The following HEMK2 variants were observed in gnomAD, a reference collection of about 807,000 sequenced individuals.
HEMK2 encodes the protein methyltransferase HEMK2.
At chr21:28,666,243 ATTTATCTTTTCTTC>A in the HEMK2 span, among the ~76,000 whole-genome samples, 1 of 152,172 alleles carries the variant, frequency 6.6e-6, no homozygotes, top group Admixed American at 6.5e-5. Context: ...TCTGTCTCCC[ATTTATCTTTTCTTC>A]GGTATTTAGG....
the HEMK2 span, among the ~76,000 whole-genome samples, chr21:28,710,509 G>T: frequency 6.6e-6 from 1 of 152,266 alleles, no homozygotes; most frequent in East Asian, 1.9e-4. Flanking sequence ...TTCTCCATAT[G>T]TGTGTGGACC....
the HEMK2 span, among the ~76,000 whole-genome samples, chr21:28,762,695 T>C: frequency 6.6e-6 from 1 of 152,100 alleles, no homozygotes; most frequent in African/African-American, 2.4e-5. Flanking sequence ...GGAGTGGCTT[T>C]GTTTTAAAAG....
the HEMK2 span, among the ~76,000 whole-genome samples, chr21:28,637,834 G>GA: frequency 1.2e-4 from 18 of 151,898 alleles, no homozygotes; most frequent in African/African-American, 3.9e-4. Context: ...CTGTGAGTGA[G>GA]AAAAAAAATT....
the HEMK2 span, among the ~76,000 whole-genome samples, chr21:28,624,734 G>A: frequency 3.9e-5 from 6 of 152,170 alleles, no homozygotes; most frequent in African/African-American, 1.4e-4. Context: ...GGCACAGAGA[G>A]GACTAGGAAC....
the HEMK2 span, among the ~76,000 whole-genome samples, chr21:28,841,427 AAT>A: frequency 2.9e-4 from 11 of 38,382 alleles, no homozygotes; most frequent in African/African-American, 1.3e-3. Flanking sequence ...ATATATATAA[AAT>A]ATATATATTA....
the HEMK2 span, among the ~76,000 whole-genome samples, chr21:28,700,074 C>T: frequency 6.6e-6 from 1 of 152,160 alleles, no homozygotes; most frequent in African/African-American, 2.4e-5. Flanking sequence ...GTGTTTGAGA[C>T]TTAACAAAAC....
At chr21:28,841,200 T>TTA in the HEMK2 span, among the ~76,000 whole-genome samples, 2 of 4,968 alleles carry the variant, frequency 4.0e-4, no homozygotes, top group Non-Finnish European at 5.5e-4. Flanking sequence ...AATATATATA[T>TTA]TATATAATAT....
chr21:28,675,108 T>C, the HEMK2 span, among the ~76,000 whole-genome samples: 1 of 152,358 alleles, frequency 6.6e-6, no homozygotes, highest in African/African-American at 2.4e-5. Flanking sequence ...TTATGCTTAC[T>C]GTGTGATTTT....
chr21:28,826,392 A>T, the HEMK2 span, among the ~76,000 whole-genome samples: 2 of 152,230 alleles, frequency 1.3e-5, no homozygotes, highest in Non-Finnish European at 2.9e-5. Flanking sequence ...AAAACACTAA[A>T]GGACATTTAA....
At chr21:28,836,134 G>A in the HEMK2 span, among the ~76,000 whole-genome samples, 1 of 152,184 alleles carries the variant, frequency 6.6e-6, no homozygotes, top group Non-Finnish European at 1.5e-5. Context: ...GAAGCACAAA[G>A]AACACCTGGG....
At chr21:28,771,004 A>G in the HEMK2 span, among the ~76,000 whole-genome samples, 1 of 97,976 alleles carries the variant, frequency 1.0e-5, no homozygotes, top group Admixed American at 9.7e-5. Flanking sequence ...AAATAAGATT[A>G]AAACACACAC....
At chr21:28,877,298 A>AAGGAAGGAAGGG in the HEMK2 span, among the ~76,000 whole-genome samples, 9 of 94,146 alleles carry the variant, frequency 9.6e-5, no homozygotes, top group South Asian at 4.0e-4. Context: ...GGAAGGAAGG[A>AAGGAAGGAAGGG]AGAGAGAGAG....
At chr21:28,624,271 T>G in the HEMK2 span, among the ~76,000 whole-genome samples, 1 of 152,208 alleles carries the variant, frequency 6.6e-6, no homozygotes, top group African/African-American at 2.4e-5. Context: ...TATGCTCACA[T>G]CCACTATGGG....
chr21:28,715,819 A>T, the HEMK2 span, among the ~76,000 whole-genome samples: 2 of 152,178 alleles, frequency 1.3e-5, no homozygotes, highest in Non-Finnish European at 2.9e-5. Flanking sequence ...ATTTTTGTAT[A>T]TGATGATAGG....
At chr21:28,838,854 G>A in the HEMK2 span, among the ~76,000 whole-genome samples, 6 of 144,962 alleles carry the variant, frequency 4.1e-5, no homozygotes, top group African/African-American at 5.1e-5. Context: ...CAGAAGAATC[G>A]CTTGAACCTG....
At chr21:28,582,514 G>A in the HEMK2 span, among the ~76,000 whole-genome samples, 2 of 152,204 alleles carry the variant, frequency 1.3e-5, no homozygotes, top group South Asian at 2.1e-4. Context: ...ATAAGACAGA[G>A]GAGTCACCCT....
At chr21:28,693,202 G>A in the HEMK2 span, among the ~76,000 whole-genome samples, 1 of 152,108 alleles carries the variant, frequency 6.6e-6, no homozygotes, top group African/African-American at 2.4e-5. Context: ...AATGTAGATG[G>A]TAAAATAATT....
At chr21:28,691,459 T>C in the HEMK2 span, among the ~76,000 whole-genome samples, 1 of 152,314 alleles carries the variant, frequency 6.6e-6, no homozygotes, top group Admixed American at 6.5e-5. Flanking sequence ...TGAGTTGGCC[T>C]CTTCAAGTTG....
chr21:28,650,044 G>A, the HEMK2 span, among the ~76,000 whole-genome samples: 2 of 152,138 alleles, frequency 1.3e-5, no homozygotes, highest in African/African-American at 2.4e-5. Context: ...CAAGAGAAAT[G>A]TTGAAATGGA....
Sources: gnomAD v4.1 joint callset for allele counts (sites outside exome capture counted in the v4.1 genomes callset) on GRCh38, gnomAD v4.1.1 for gene constraint, MANE v1.5 for transcripts, NCBI Gene and HGNC (gene_info 2026-07-23, HGNC 2026-07-21) for gene names.